The following ARAP2 variants were observed in gnomAD, a reference collection of about 807,000 sequenced individuals.
ARAP2 encodes ArfGAP with RhoGAP domain, ankyrin repeat and PH domain 2.
A neutral mutation model predicts 194.5 loss-of-function variants in ARAP2; 148 were observed. The ratio of observed to expected loss-of-function variants is 0.76; its 90% confidence interval spans 0.67 to 0.87. The LOEUF (loss-of-function observed/expected upper bound fraction) is 0.87, where lower values mean the gene tolerates loss of function less well. ARAP2 is among the 40% of genes least tolerant of loss of function. ARAP2 has a pLI of 0.00. For missense variants in ARAP2, 2,128 were observed against 1,989.7 expected (o/e 1.07, Z -1.32); for synonymous variants, 695 against 683.5 (o/e 1.02, Z -0.26).
intron 4 of ARAP2, among the ~76,000 whole-genome samples, chr4:36,046,511 A>C (rs182553910): frequency 1.5e-4 from 23 of 152,272 alleles, no homozygotes; most frequent in African/African-American, 5.5e-4. Flanking sequence ...GAGCCACTGC[A>C]CCTGGCATAT....
rs1204043916 is a variant in ARAP2 at position 36,051,439 on chromosome 4, T to C, written n.369+567A>G. The stretch of plus-strand genomic sequence containing the variant: ...TTACAATGAGTTGAAATCACACCAT[T>C]GCACTCCAGCCTGGGCGACAGACCA... On this transcript the variant is annotated intron_variant and non_coding_transcript_variant, in intron 3 of 12. Transcript: ENST00000503225. 3.3e-5 allele frequency among the ~76,000 whole-genome samples: 5 copies of C among 152,146 alleles called. No homozygotes were observed. In the East Asian group the frequency reaches 9.6e-4, roughly 29 times the overall value.
chr4:36,091,147 A>G (rs1230129728), intron 28 of ARAP2, among the ~76,000 whole-genome samples: 1 of 152,182 alleles, frequency 6.6e-6, no homozygotes, highest in East Asian at 1.9e-4. Context: ...TATAAAAAAA[A>G]TCATATATTA....
intron 6 of ARAP2, among the ~76,000 whole-genome samples, chr4:36,200,706 T>C (rs1291242990): frequency 6.6e-6 from 1 of 152,192 alleles, no homozygotes; most frequent in African/African-American, 2.4e-5. Context: ...ATATCAATGA[T>C]TACTAAATGT....
intron 5 of ARAP2, among the ~76,000 whole-genome samples, chr4:36,023,046 G>A (rs904872028): frequency 6.6e-6 from 1 of 152,272 alleles, no homozygotes; most frequent in African/African-American, 2.4e-5. Context: ...CTTGTCATCA[G>A]TCAATTCAGG....
chr4:36,226,727 C>T (rs1244196716), intron 2 of ARAP2, among the ~76,000 whole-genome samples: 1 of 151,950 alleles, frequency 6.6e-6, no homozygotes, highest in Non-Finnish European at 1.5e-5. Context: ...CAGCTGGGAC[C>T]CTAAGAAGAA....
At chr4:36,193,863 T>C (rs1742500951) in intron 6 of ARAP2, among the ~76,000 whole-genome samples, 1 of 152,194 alleles carries the variant, frequency 6.6e-6, no homozygotes, top group African/African-American at 2.4e-5. Flanking sequence ...TTTTTGTTAA[T>C]GACAAAATTA....
chr4:36,031,672 T>C (rs1206799904), intron 5 of ARAP2, among the ~76,000 whole-genome samples: 2 of 151,002 alleles, frequency 1.3e-5, no homozygotes, highest in Non-Finnish European at 3.0e-5. Flanking sequence ...AAATCTTTTT[T>C]TTTTTTTCTT....
chr4:36,206,719 G>A (rs1294399652), intron 6 of ARAP2, among the ~76,000 whole-genome samples: 5 of 152,062 alleles, frequency 3.3e-5, no homozygotes, highest in African/African-American at 1.2e-4. Context: ...TGCACTAAAT[G>A]GAAGCTACAA....
intron 7 of ARAP2, among the ~76,000 whole-genome samples, chr4:36,188,049 G>A (rs886797040): frequency 6.6e-6 from 1 of 152,100 alleles, no homozygotes; most frequent in African/African-American, 2.4e-5. Flanking sequence ...TCAAAGCTCT[G>A]ATGATGAGCA....
rs1735426988 is a variant in ARAP2, at chr4:36,166,966, A to G, written c.1939T>C (p.Ser647Pro). The part of the protein sequence containing the change: ...VKQVDRTVKQ[S>P]FEIITPYRSF... ...CTGTAGGGAGTGATTATTTCAAAAG[A>G]TTGTTTCACAGTTCGGTCCACTTGC... is the stretch of plus-strand genomic sequence containing the variant. The change falls in exon 10 of 33, where the codon TCT (serine) becomes CCT (proline). Residue 647 changes from serine (S) to proline (P), a missense_variant. Physicochemically the swap from Ser to Pro is moderately conservative, Grantham distance 74. Transcript: ENST00000303965. 1.2e-6 allele frequency: 2 copies of G among 1,607,458 alleles called. No individual in the cohort carries two copies. Among genetic ancestry groups the G allele is most frequent in the African/African-American group, 1.3e-5 (1 of 74,632 alleles).
intron 15 of ARAP2, chr4:36,157,385 A>G (rs1437719612): frequency 4.3e-5 from 6 of 140,138 alleles, no homozygotes; most frequent in African/African-American, 1.9e-4. Flanking sequence ...GGAAGACAAA[A>G]AAAAAAAAAC....
At chr4:36,232,768 T>C (rs539161960) in intron 1 of ARAP2, among the ~76,000 whole-genome samples, 2 of 152,238 alleles carry the variant, frequency 1.3e-5, no homozygotes, top group Non-Finnish European at 2.9e-5. Flanking sequence ...CATATATCTA[T>C]AATTTCTATA....
Position 36,091,999 on chromosome 4 carries a change from A to T in ARAP2, c.4307T>A (p.Ile1436Asn). The T allele has an allele frequency of 6.2e-7, 1 of 1,602,604 alleles. No homozygotes were observed. Residue 1436 changes from isoleucine (I) to asparagine (N), a missense_variant, in exon 28 of 33, where the codon ATC becomes AAC. Transcript: ENST00000303965. ...TTTGATTTTCAAGATTCCTTCTTTG[A>T]TGCTTCCCAGTGTACTCCGGTCTGT... ...HCSDRSTLGS[I>N]KEGILKIKEE... is the part of the protein sequence containing the mutation.
At chr4:36,224,671 C>T (rs1031325727) in intron 2 of ARAP2, among the ~76,000 whole-genome samples, 12 of 152,130 alleles carry the variant, frequency 7.9e-5, no homozygotes, top group Admixed American at 1.3e-4. Context: ...TAGATACCCT[C>T]ACCTTCTAAC....
At chr4:36,169,699 C>A (rs1320294916) in intron 9 of ARAP2, among the ~76,000 whole-genome samples, 1 of 151,950 alleles carries the variant, frequency 6.6e-6, no homozygotes, top group East Asian at 1.9e-4. Context: ...GCCCAGCTAA[C>A]TTTTTTTGTA....
intron 31 of ARAP2, among the ~76,000 whole-genome samples, chr4:36,075,419 C>T (rs192504136): frequency 1.6e-4 from 24 of 152,230 alleles, no homozygotes; most frequent in East Asian, 9.7e-4. Context: ...TCATACAGCA[C>T]GGATCATATA....
intron 31 of ARAP2, among the ~76,000 whole-genome samples, chr4:36,077,636 A>T (rs1315280977): frequency 6.6e-6 from 1 of 152,092 alleles, no homozygotes; most frequent in Non-Finnish European, 1.5e-5. Flanking sequence ...CTGAGTTGAC[A>T]TCTTCTTTCC....
chr4:36,231,414 C>T (rs1578364581), intron 1 of ARAP2, among the ~76,000 whole-genome samples: 1 of 152,096 alleles, frequency 6.6e-6, no homozygotes, highest in East Asian at 1.9e-4. Flanking sequence ...ACTCAATTCT[C>T]AGATAAGCCA....
chr4:36,020,631 T>G (rs1716764710), intron 5 of ARAP2, among the ~76,000 whole-genome samples: 1 of 152,220 alleles, frequency 6.6e-6, no homozygotes, highest in South Asian at 2.1e-4. Flanking sequence ...TTTGTTTATT[T>G]CTGCATCATT....
Sources: allele counts gnomAD v4.1 joint callset (sites outside exome capture counted in the v4.1 genomes callset), GRCh38; gene constraint gnomAD v4.1.1; transcripts MANE v1.5; gene names NCBI Gene and HGNC (gene_info 2026-07-23, HGNC 2026-07-21).